Variants in NFATC3 observed in about 807,000 individuals in gnomAD.
The protein encoded by NFATC3 is nuclear factor of activated T cells 3.
A neutral mutation model predicts 98.6 loss-of-function variants in NFATC3; 46 were observed. That is an observed-to-expected ratio of 0.47 (90% CI 0.37 to 0.60). The LOEUF is 0.60. Among genes scored for constraint, NFATC3 ranks in the 20% least tolerant of loss-of-function variants. The probability of loss-of-function intolerance (pLI) is 0.00; values close to 1 mark genes in which losing one functional copy is unlikely to be tolerated. For missense variants in NFATC3, 1,256 were observed against 1,295.5 expected (o/e 0.97, Z 0.47); for synonymous variants, 512 against 472.2 (o/e 1.08, Z -1.09).
chr16:68,142,530 G>A (rs138587579), intron 3 of NFATC3, among the ~76,000 whole-genome samples: 17 of 152,226 alleles, frequency 1.1e-4, no homozygotes, highest in African/African-American at 4.1e-4. Context: ...CGAGGTGGGT[G>A]GATCACTTGA....
intron 9 of NFATC3, among the ~76,000 whole-genome samples, chr16:68,193,663 C>A (rs1125333): frequency 0.12 from 18,151 of 151,998 alleles, 1,228 homozygotes; most frequent in South Asian, 0.2. Flanking sequence ...GAAAGTGAGA[C>A]CCTGTCTCTA....
rs762035583 is a variant in NFATC3, at chr16:68,214,344, A to G, written c.3107-12006A>G. On this transcript the variant is annotated intron_variant, in intron 9 of 9. Transcript: ENST00000346183. ...TTTGACACAGACCAATTTATATCTGACTTGGAACACCAGCCATCAGGTTCA... is the reference window on the plus strand; with the variant it reads ...TTTGACACAGACCAATTTATATCTGGCTTGGAACACCAGCCATCAGGTTCA... 23 of 1,614,180 alleles carry G rather than the reference A, an allele frequency of 1.4e-5. No individual in the cohort carries two copies. The South Asian group carries it at 2.5e-4, about 18-fold the overall frequency.
chr16:68,112,934 A>C (rs978565786), intron 1 of NFATC3, among the ~76,000 whole-genome samples: 4 of 152,054 alleles, frequency 2.6e-5, no homozygotes, highest in African/African-American at 4.8e-5. Context: ...TTTCAGCTCA[A>C]TCAGGTCATT....
intron 2 of NFATC3, among the ~76,000 whole-genome samples, chr16:68,125,684 A>G (rs1421171483): frequency 6.6e-6 from 1 of 152,208 alleles, no homozygotes; most frequent in Non-Finnish European, 1.5e-5. Flanking sequence ...ATGTTTGGAT[A>G]TGTGGAGAGA....
chr16:68,176,912 G>A (rs1384197331), intron 6 of NFATC3, among the ~76,000 whole-genome samples: 1 of 151,956 alleles, frequency 6.6e-6, no homozygotes, highest in African/African-American at 2.4e-5. Flanking sequence ...ACAGGGGACT[G>A]TCTTTGTGGG....
At chr16:68,210,019 C>A (rs1037217873) in intron 9 of NFATC3, among the ~76,000 whole-genome samples, 4 of 151,356 alleles carry the variant, frequency 2.6e-5, no homozygotes, top group African/African-American at 9.7e-5. Context: ...AAAAAATGGC[C>A]AGGTGCAGTG....
chr16:68,198,891 C>CA (rs531423438), intron 9 of NFATC3, among the ~76,000 whole-genome samples: 1,541 of 152,066 alleles, frequency 0.01, 13 homozygotes, highest in Admixed American at 0.023. Flanking sequence ...TACTAAAATA[C>CA]AAAAAAACTA....
At chr16:68,133,649 G>A (rs1006760524) in intron 3 of NFATC3, among the ~76,000 whole-genome samples, 1 of 151,898 alleles carries the variant, frequency 6.6e-6, no homozygotes, top group Non-Finnish European at 1.5e-5. Context: ...TCATATATTA[G>A]TTTTCTTATT....
At chr16:68,167,807 G>GTTATT (rs1263970399) in intron 5 of NFATC3, among the ~76,000 whole-genome samples, 1 of 23,588 alleles carries the variant, frequency 4.2e-5, no homozygotes, top group East Asian at 1.8e-3. Context: ...AACCGTATGT[G>GTTATT]TTCTTTTTTT....
At chr16:68,202,154 G>T (rs989687591) in intron 9 of NFATC3, among the ~76,000 whole-genome samples, 1 of 151,984 alleles carries the variant, frequency 6.6e-6, no homozygotes, top group Non-Finnish European at 1.5e-5. Context: ...CTTCAGCAGA[G>T]AAGAGGATGC....
intron 7 of NFATC3, 49 bp from the exon 8 acceptor site, chr16:68,183,191 A>T: frequency 6.5e-7 from 1 of 1,533,464 alleles, no homozygotes. Context: ...TAACAGGTGC[A>T]TTTCATTTTT....
intron 3 of NFATC3, among the ~76,000 whole-genome samples, chr16:68,139,866 A>G (rs182439495): frequency 1.2e-3 from 186 of 152,348 alleles, no homozygotes; most frequent in African/African-American, 4.1e-3. Flanking sequence ...CCAATAAAGT[A>G]TGATAAATGT....
At chr16:68,119,905 G>T (rs762973249) in intron 1 of NFATC3, among the ~76,000 whole-genome samples, 1 of 152,086 alleles carries the variant, frequency 6.6e-6, no homozygotes, top group Admixed American at 6.6e-5. Flanking sequence ...GAATCATGTT[G>T]TTTCCAGTGT....
intron 9 of NFATC3, among the ~76,000 whole-genome samples, chr16:68,219,579 TAGTA>T (rs1256474657): frequency 2.0e-5 from 3 of 151,700 alleles, no homozygotes; most frequent in Non-Finnish European, 4.4e-5. Flanking sequence ...AAAATAATAA[TAGTA>T]ATAATAATAA....
At chr16:68,173,066 G>A (rs1372153503) in intron 5 of NFATC3, among the ~76,000 whole-genome samples, 1 of 151,758 alleles carries the variant, frequency 6.6e-6, no homozygotes. Context: ...AGAACAGCCT[G>A]GGCAACAAAG....
chr16:68,211,860 G>C (rs536853288), intron 9 of NFATC3, among the ~76,000 whole-genome samples: 22 of 152,330 alleles, frequency 1.4e-4, no homozygotes, highest in African/African-American at 5.3e-4. Context: ...TTGTGATCAG[G>C]AGAGATGAAT....
chr16:68,145,220 T>C (rs776939659), intron 3 of NFATC3, among the ~76,000 whole-genome samples: 4 of 151,698 alleles, frequency 2.6e-5, no homozygotes, highest in Non-Finnish European at 4.4e-5. Context: ...CTCAGCTCAC[T>C]GCAACCTCAG....
intron 3 of NFATC3, among the ~76,000 whole-genome samples, chr16:68,148,341 G>T (rs528326464): frequency 6.6e-6 from 1 of 151,920 alleles, no homozygotes; most frequent in East Asian, 1.9e-4. Context: ...TTATTGTGAT[G>T]ATATTGACAT....
intron 9 of NFATC3, among the ~76,000 whole-genome samples, chr16:68,218,774 A>T (rs1253693516): frequency 6.6e-6 from 1 of 150,672 alleles, no homozygotes; most frequent in Non-Finnish European, 1.5e-5. Context: ...GGGTTTCACC[A>T]TGTTAGCCAG....
Sources: gnomAD v4.1 joint callset for allele counts (sites outside exome capture counted in the v4.1 genomes callset) on GRCh38, gnomAD v4.1.1 for gene constraint, MANE v1.5 for transcripts, NCBI Gene and HGNC (gene_info 2026-07-23, HGNC 2026-07-21) for gene names.